The following ZFHX3 variants were observed in gnomAD, a reference collection of about 807,000 sequenced individuals.
ZFHX3 encodes the protein zinc finger homeobox protein 3.
ZFHX3 carries 42 observed loss-of-function variants against 279.1 expected under a neutral mutation model. The ratio of observed to expected loss-of-function variants is 0.15; its 90% CI spans 0.12 to 0.19. The LOEUF is 0.19. Ranked by LOEUF, ZFHX3 falls within the 10% of genes least tolerant of loss-of-function variation. ZFHX3 has a pLI of 1.00. For synonymous variants in ZFHX3, 2,293 were observed against 1,957.8 expected (o/e 1.17, Z -4.52); for missense variants, 4,981 against 4,754.0 (o/e 1.05, Z -1.40).
intron 2 of ZFHX3, among the ~76,000 whole-genome samples, chr16:73,585,768 T>C (rs1203244314): frequency 1.3e-5 from 2 of 152,072 alleles, no homozygotes; most frequent in East Asian, 3.9e-4. Flanking sequence ...GCAGGAGCAG[T>C]TGGTAGGTAG....
chr16:73,760,213 A>G (rs1407594147), intron 1 of ZFHX3, among the ~76,000 whole-genome samples: 1 of 152,184 alleles, frequency 6.6e-6, no homozygotes, highest in Non-Finnish European at 1.5e-5. Context: ...TCCTGGACAC[A>G]TAAGCTTTCC....
At chr16:73,096,501 C>T (rs1966165710) in intron 7 of ZFHX3, among the ~76,000 whole-genome samples, 2 of 151,498 alleles carry the variant, frequency 1.3e-5, no homozygotes, top group East Asian at 3.9e-4. Context: ...CTCCTGGGTT[C>T]AAGCGATTCT....
At chr16:72,989,079 C>A (rs1416735665) in intron 1 of ZFHX3, among the ~76,000 whole-genome samples, 1 of 151,706 alleles carries the variant, frequency 6.6e-6, no homozygotes, top group Non-Finnish European at 1.5e-5. Context: ...GAGGCCAAGG[C>A]AAGAGGATCA....
Position 72,958,490 on chromosome 16 carries a change from A to G in ZFHX3, c.1656T>C (p.Ser552=). ...TLSRGTASTS[S]NSASSFVVFD... is the part of the protein sequence containing the mutation. ...AGACAACAAAGGAAGAAGCAGAATT[A>G]GAACTAGTAGAAGCTGTGCCCCTCG... Residue 552 remains serine (S), a synonymous_variant, in exon 2 of 10, where the codon TCT becomes TCC. Transcript: ENST00000268489. 1 of 1,614,142 alleles carries G rather than the reference A, an allele frequency of 6.2e-7. No individual in the cohort carries two copies. Among genetic ancestry groups the G allele is most frequent in the Non-Finnish European group, 8.5e-7 (1 of 1,180,042 alleles).
intron 5 of ZFHX3, among the ~76,000 whole-genome samples, chr16:73,214,471 T>G (rs2012128954): frequency 6.6e-6 from 1 of 152,192 alleles, no homozygotes; most frequent in Non-Finnish European, 1.5e-5. Context: ...CAGCTGTTCT[T>G]TCAAACCAGA....
chr16:72,919,897 G>A (rs916031517), intron 3 of ZFHX3, among the ~76,000 whole-genome samples: 1 of 139,014 alleles, frequency 7.2e-6, no homozygotes, highest in Admixed American at 8.1e-5. Flanking sequence ...AGGTTCAAGC[G>A]ATTCTCCTGC....
intron 2 of ZFHX3, among the ~76,000 whole-genome samples, chr16:73,465,474 T>C (rs12928778): frequency 0.59 from 89,555 of 151,992 alleles, 30,503 homozygotes; most frequent in Non-Finnish European, 0.78. Context: ...TCCTGGTGCC[T>C]CTGAGGTCTC....
chr16:73,680,737 G>A (rs575394117), intron 1 of ZFHX3, among the ~76,000 whole-genome samples: 7 of 152,234 alleles, frequency 4.6e-5, no homozygotes, highest in East Asian at 1.9e-4. Context: ...CATGGAATTC[G>A]TCTTATCCTA....
At chr16:73,522,509 G>A (rs1261676967) in intron 2 of ZFHX3, among the ~76,000 whole-genome samples, 7 of 152,166 alleles carry the variant, frequency 4.6e-5, no homozygotes, top group Admixed American at 3.3e-4. Flanking sequence ...CGGGAAAATG[G>A]TTAATGATCT....
At chr16:73,744,788 T>A (rs1242828478) in intron 1 of ZFHX3, among the ~76,000 whole-genome samples, 1 of 152,180 alleles carries the variant, frequency 6.6e-6, no homozygotes, top group East Asian at 1.9e-4. Context: ...TCTCCCTCTT[T>A]AAAAATTTCC....
intron 3 of ZFHX3, among the ~76,000 whole-genome samples, chr16:73,370,030 G>A (rs887997042): frequency 6.6e-5 from 10 of 152,238 alleles, no homozygotes; most frequent in Admixed American, 3.9e-4. Flanking sequence ...ACTTGCAACT[G>A]TAATGTCAAG....
chr16:73,533,495 T>C (rs375414872), intron 2 of ZFHX3, among the ~76,000 whole-genome samples: 1 of 151,580 alleles, frequency 6.6e-6, no homozygotes, highest in Admixed American at 6.6e-5. Flanking sequence ...ATTATCCTCA[T>C]TCTCTTGGTA....
Position 73,625,458 on chromosome 16 carries a change from G to A in ZFHX3, c.-1547+54722C>T, listed in dbSNP as rs146834911. 3.6e-3 allele frequency among the ~76,000 whole-genome samples: 555 copies of A among 152,310 alleles called. 4 individuals are homozygous for A. The highest frequency in any genetic ancestry group is 0.013 in the African/African-American group (520 of 41,564). ...GTGCCTTTCTCAATTGGGATTCTAT[G>A]AAAGAATTAAGCCGTCATCCTGCAA... On this transcript the variant is annotated intron_variant, in intron 2 of 17. Coordinates refer to the ZFHX3 transcript ENST00000641206.
intron 5 of ZFHX3, among the ~76,000 whole-genome samples, chr16:73,145,100 G>A (rs1267692442): frequency 6.6e-6 from 1 of 152,218 alleles, no homozygotes; most frequent in African/African-American, 2.4e-5. Context: ...TCGTCCTGTG[G>A]TGACAGGCTG....
At chr16:73,417,448 C>A (rs75477453) in intron 3 of ZFHX3, among the ~76,000 whole-genome samples, 1 of 100,002 alleles carries the variant, frequency 1.0e-5, no homozygotes, top group Non-Finnish European at 1.9e-5. Flanking sequence ...CCCAGTTTGT[C>A]TTCAAACTCC....
chr16:72,956,181 A>C (rs952727709), intron 2 of ZFHX3, among the ~76,000 whole-genome samples: 7 of 152,262 alleles, frequency 4.6e-5, no homozygotes, highest in African/African-American at 7.2e-5. Flanking sequence ...GGCAACAATT[A>C]GCACTCAAAC....
At chr16:73,813,933 C>T (rs767296762) in intron 1 of ZFHX3, 1 of 152,180 alleles carries the variant, frequency 6.6e-6, no homozygotes, top group Admixed American at 6.5e-5. Context: ...ATTAGTTGGG[C>T]TGAATTTAAT....
intron 3 of ZFHX3, among the ~76,000 whole-genome samples, chr16:73,393,058 C>G (rs992144425): frequency 6.6e-6 from 1 of 152,198 alleles, no homozygotes; most frequent in Non-Finnish European, 1.5e-5. Flanking sequence ...TGGTCTTGAA[C>G]GCCTGACCTC....
At chr16:73,871,004 A>T (rs946718226) in intron 1 of ZFHX3, among the ~76,000 whole-genome samples, 1 of 152,192 alleles carries the variant, frequency 6.6e-6, no homozygotes, top group Non-Finnish European at 1.5e-5. Context: ...ACCATATCGT[A>T]TGTACCAGGG....
Sources: allele counts gnomAD v4.1 joint callset (sites outside exome capture counted in the v4.1 genomes callset), GRCh38; gene constraint gnomAD v4.1.1; transcripts MANE v1.5; gene names NCBI Gene and HGNC (gene_info 2026-07-23, HGNC 2026-07-21).